Variants in PDZD9 observed in about 807,000 individuals in gnomAD.
PDZD9 encodes the protein PDZ domain-containing protein 9.
In PDZD9, 13 loss-of-function variants were observed where a neutral mutation model predicts 16.3. That is an observed-to-expected ratio of 0.80 (90% confidence interval 0.52 to 1.27). The LOEUF (loss-of-function observed/expected upper bound fraction) is 1.27, where lower values mean the gene tolerates loss of function less well. Ranked by LOEUF, PDZD9 falls within the 50% of genes most tolerant of loss-of-function variation. The pLI, the probability that PDZD9 is intolerant of heterozygous loss-of-function variation, is 0.00. For missense variants in PDZD9, 288 were observed against 310.9 expected, an observed-to-expected ratio of 0.93 and a Z score of 0.55; for synonymous variants, 120 against 111.0, an observed-to-expected ratio of 1.08 and a Z score of -0.51.
chr16:21,961,776 G>A, the PDZD9 span, among the ~76,000 whole-genome samples: 2 of 150,178 alleles, frequency 1.3e-5, no homozygotes, highest in African/African-American at 2.4e-5. Flanking sequence ...CTCAGCCTCC[G>A]TGGTAGCTGG....
chr16:21,976,257 T>C, the PDZD9 span: 1 of 1,592,500 alleles, frequency 6.3e-7, no homozygotes, highest in Non-Finnish European at 8.6e-7. Flanking sequence ...AGTCTCAGTA[T>C]TAACTGTGTT....
At chr16:21,957,664 T>A in the PDZD9 span, 6 of 1,479,000 alleles carry the variant, frequency 4.1e-6, no homozygotes, top group Non-Finnish European at 5.4e-6. Context: ...TTTTGATTCC[T>A]TGACCTGCCA....
intron 1 of PDZD9, among the ~76,000 whole-genome samples, chr16:21,996,762 A>C (rs2141963130): frequency 6.6e-6 from 1 of 152,320 alleles, no homozygotes; most frequent in Non-Finnish European, 1.5e-5. Context: ...TCACTTAACA[A>C]ATATTTATTG....
In PDZD9 at chr16:21,996,387, G is replaced by A. The variant is rs1203729537; in HGVS notation, c.146C>T (p.Pro49Leu). The change falls in exon 2 of 4, where the codon CCC becomes CTC. Residue 49 changes from proline to leucine, a missense_variant. Transcript: ENST00000424898. Reference protein sequence around the residue: ...GLGLIIIQHGPYLQITHLIRK... With the variant: ...GLGLIIIQHGLYLQITHLIRK... Reference sequence around the variant, plus strand: ...GATGAGGTGGGTGATCTGGAGGTAGGGTCCATGCTGGATGATGATGAGGCC... The same window carrying A: ...GATGAGGTGGGTGATCTGGAGGTAGAGTCCATGCTGGATGATGATGAGGCC... The A allele has an allele frequency of 1.3e-6, 2 of 1,535,936 alleles. No individual in the cohort carries two copies. The highest frequency in any genetic ancestry group is 2.0e-5 in the Admixed American group (1 of 50,980).
chr16:21,989,185 G>A (rs1373019764), intron 2 of PDZD9, among the ~76,000 whole-genome samples: 3 of 151,742 alleles, frequency 2.0e-5, no homozygotes, highest in Admixed American at 6.6e-5. Flanking sequence ...TGTCCACCTC[G>A]GCCTGCCAAA....
intron 3 of PDZD9, among the ~76,000 whole-genome samples, chr16:21,986,211 CCTT>C (rs900693884): frequency 2.7e-4 from 41 of 152,124 alleles, no homozygotes; most frequent in African/African-American, 8.0e-4. Flanking sequence ...GCATCTTTTT[CCTT>C]CTTCTTTCCC....
chr16:21,962,961 A>C, the PDZD9 span: 1 of 1,496,384 alleles, frequency 6.7e-7, no homozygotes, highest in Non-Finnish European at 8.9e-7. Context: ...AAGAAAAAAA[A>C]TTGCTGTCAA....
intron 1 of PDZD9, among the ~76,000 whole-genome samples, chr16:22,000,155 G>C (rs994676933): frequency 1.3e-5 from 2 of 152,188 alleles, no homozygotes; most frequent in African/African-American, 4.8e-5. Context: ...AGTGAGCCAG[G>C]AGCATACCAC....
intron 3 of PDZD9, among the ~76,000 whole-genome samples, chr16:21,988,071 G>A (rs933644198): frequency 5.5e-5 from 8 of 145,024 alleles, no homozygotes; most frequent in African/African-American, 7.7e-5. Context: ...GCAGTGGTGC[G>A]ATCTCGGCTC....
chr16:21,962,777 T>G, the PDZD9 span: 2 of 1,614,096 alleles, frequency 1.2e-6, no homozygotes, highest in South Asian at 2.2e-5. Context: ...TCTAATGGAG[T>G]TCCTGCTCAA....
At chr16:21,990,684 G>A (rs533077828) in intron 2 of PDZD9, among the ~76,000 whole-genome samples, 17 of 152,170 alleles carry the variant, frequency 1.1e-4, no homozygotes, top group Admixed American at 3.9e-4. Flanking sequence ...AACCCTCCCC[G>A]GATGAGCTTA....
At chr16:21,978,640 C>CA in the PDZD9 span, among the ~76,000 whole-genome samples, 25 of 152,264 alleles carry the variant, frequency 1.6e-4, 1 homozygote, top group South Asian at 4.8e-3. Flanking sequence ...AGTCCCAAAT[C>CA]AAAAAGCAAT....
chr16:21,985,146 G>C (rs1405868766), intron 3 of PDZD9, among the ~76,000 whole-genome samples: 1 of 151,958 alleles, frequency 6.6e-6, no homozygotes, highest in Non-Finnish European at 1.5e-5. Flanking sequence ...AGAGGGTCTT[G>C]CTCTGTCACC....
At chr16:21,996,567 G>A (rs1023284139) in intron 1 of PDZD9, 66 bp from the exon 2 acceptor site, 19 of 1,391,602 alleles carry the variant, frequency 1.4e-5, no homozygotes, top group Non-Finnish European at 1.8e-5. Flanking sequence ...TACCTACTGG[G>A]GTTCTGAAGC....
chr16:22,000,371 A>C (rs572684050), intron 1 of PDZD9, among the ~76,000 whole-genome samples: 3 of 151,492 alleles, frequency 2.0e-5, no homozygotes, highest in Admixed American at 6.6e-5. Flanking sequence ...AAAAAAAAAA[A>C]CGCTGTAAAA....
chr16:21,971,481 T>A, the PDZD9 span: 77 of 1,454,180 alleles, frequency 5.3e-5, 1 homozygote, highest in East Asian at 9.4e-4. Context: ...GATTGTGTTT[T>A]AGTAATTGTG....
chr16:21,988,124 CA>C (rs1898927618), intron 3 of PDZD9, among the ~76,000 whole-genome samples: 1 of 150,820 alleles, frequency 6.6e-6, no homozygotes, highest in African/African-American at 2.4e-5. Flanking sequence ...TCTCCTGCCT[CA>C]GCCTCCCGAA....
intron 3 of PDZD9, among the ~76,000 whole-genome samples, chr16:21,986,122 A>G (rs1201567421): frequency 2.0e-5 from 3 of 152,178 alleles, no homozygotes; most frequent in Admixed American, 2.0e-4. Context: ...GCCTACCCAG[A>G]GCGTTACATG....
chr16:21,992,665 T>G (rs1027764901), intron 2 of PDZD9, among the ~76,000 whole-genome samples: 7 of 152,186 alleles, frequency 4.6e-5, no homozygotes, highest in African/African-American at 1.7e-4. Flanking sequence ...TTTGGACTCT[T>G]GGACTTACAC....
Sources: allele counts gnomAD v4.1 joint callset (sites outside exome capture counted in the v4.1 genomes callset), GRCh38; gene constraint gnomAD v4.1.1; transcripts MANE v1.5; gene names NCBI Gene and HGNC (gene_info 2026-07-23, HGNC 2026-07-21).